The following RICTOR variants were observed in gnomAD, a reference collection of about 807,000 sequenced individuals.
RICTOR encodes RPTOR independent companion of MTOR complex 2.
In RICTOR, 49 loss-of-function variants were observed where a neutral mutation model predicts 214.9. The ratio of observed to expected loss-of-function variants is 0.23; its 90% confidence interval spans 0.18 to 0.29. The LOEUF is 0.29. RICTOR is among the 10% of genes least tolerant of loss of function. The probability of loss-of-function intolerance (pLI) is 1.00; values close to 1 mark genes in which losing one functional copy is unlikely to be tolerated. For missense variants in RICTOR, 1,625 were observed against 2,047.0 expected, an observed-to-expected ratio of 0.79 and a Z score of 3.98; for synonymous variants, 717 against 711.3, an observed-to-expected ratio of 1.01 and a Z score of -0.13.
chr5:39,021,912 C>A (rs972867353), intron 2 of RICTOR, among the ~76,000 whole-genome samples: 1 of 152,032 alleles, frequency 6.6e-6, no homozygotes, highest in African/African-American at 2.4e-5. Context: ...TTTGAGTAAA[C>A]CAAAAAATTA....
intron 33 of RICTOR, 26 bp from the exon 34 acceptor site, chr5:38,945,750 A>ATTT: frequency 8.1e-7 from 1 of 1,227,234 alleles, no homozygotes; most frequent in South Asian, 1.3e-5. Context: ...TATAAAACAT[A>ATTT]ATCCAATAAA....
chr5:39,022,128 C>T lies in RICTOR; in HGVS notation c.98-992G>A, dbSNP rs561534137. ...CTTTGTGTTAGATAGTCTTGCCCAA[C>T]TATAGGCTAATGTAAGTGTTCTGAG... On this transcript the variant is annotated intron_variant, in intron 2 of 37. Transcript: ENST00000357387. 2.6e-5 allele frequency among the ~76,000 whole-genome samples: 4 copies of T among 152,278 alleles called. No homozygotes were observed. The South Asian group carries it at 8.3e-4, about 32-fold the overall frequency.
At chr5:39,033,357 G>A (rs1028784979) in intron 2 of RICTOR, among the ~76,000 whole-genome samples, 1 of 151,874 alleles carries the variant, frequency 6.6e-6, no homozygotes, top group Non-Finnish European at 1.5e-5. Flanking sequence ...TCTGCCTCCT[G>A]GGTTCAAGCA....
At chr5:38,958,196 C>A (rs1467362330) in intron 24 of RICTOR, among the ~76,000 whole-genome samples, 1 of 151,642 alleles carries the variant, frequency 6.6e-6, no homozygotes, top group East Asian at 1.9e-4. Context: ...AACATTGGAC[C>A]ATTGCACTCT....
At chr5:38,944,821 C>T (rs1445926725) in intron 35 of RICTOR, 92 bp downstream of exon 35, 8 of 1,271,934 alleles carry the variant, frequency 6.3e-6, no homozygotes, top group Non-Finnish European at 9.1e-6. Flanking sequence ...TTTGAGACAA[C>T]TTTAATTTAC....
chr5:39,019,510 A>G (rs61343691), intron 3 of RICTOR, among the ~76,000 whole-genome samples: 24,443 of 152,204 alleles, frequency 0.16, 2,106 homozygotes, highest in Middle Eastern at 0.23. Flanking sequence ...GTGCTTTACA[A>G]ATGGAACAAG....
chr5:38,993,486 A>G (rs955276391), intron 6 of RICTOR, among the ~76,000 whole-genome samples: 1 of 152,132 alleles, frequency 6.6e-6, no homozygotes, highest in African/African-American at 2.4e-5. Context: ...AATCAGAGAC[A>G]TGGAAAAGAA....
intron 2 of RICTOR, among the ~76,000 whole-genome samples, chr5:39,051,371 T>G (rs1328152190): frequency 6.6e-6 from 1 of 152,146 alleles, no homozygotes; most frequent in African/African-American, 2.4e-5. Flanking sequence ...TATACAAAAT[T>G]TTATCCCTTT....
At chr5:38,942,459 T>C (rs1363726052) in intron 37 of RICTOR, 81 bp from the exon 38 acceptor site, 1 of 761,252 alleles carries the variant, frequency 1.3e-6, no homozygotes, top group Non-Finnish European at 2.0e-6. Flanking sequence ...CTAATTTTTT[T>C]TTTTTTTTGA....
chr5:39,001,932 T>G (rs1753656888), intron 5 of RICTOR, among the ~76,000 whole-genome samples: 2 of 152,114 alleles, frequency 1.3e-5, no homozygotes, highest in African/African-American at 4.8e-5. Context: ...TAGCAAACTA[T>G]TTAGCAATAT....
At chr5:38,966,108 CAA>C (rs1009891875) in intron 15 of RICTOR, among the ~76,000 whole-genome samples, 3 of 151,056 alleles carry the variant, frequency 2.0e-5, no homozygotes, top group Non-Finnish European at 4.4e-5. Flanking sequence ...AAAAGAAAAA[CAA>C]AAAAAACAAA....
At chr5:39,042,750 C>T (rs1254734828) in intron 2 of RICTOR, among the ~76,000 whole-genome samples, 15 of 152,190 alleles carry the variant, frequency 9.9e-5, no homozygotes, top group Admixed American at 9.8e-4. Context: ...AGTAACCACA[C>T]TCAAAAAGTA....
In RICTOR at chr5:38,966,650, A is replaced by G; in HGVS notation, c.1290T>C (p.Leu430=). 6.5e-7 allele frequency: 1 copy of G among 1,538,904 alleles called. No individual in the cohort carries two copies. The highest frequency in any genetic ancestry group is 9.0e-7 in the Non-Finnish European group (1 of 1,115,666). The change falls in exon 15 of 38, where the codon CTT becomes CTC. Residue 430 remains leucine (L), a synonymous_variant. Transcript: ENST00000357387. ...SVRATILLGE[L]LHMANTILPH... ...AAGTTGCTAAACTTACCATATGTAA[A>G]AGCTCTCCTAAAAGGATGGTAGCTC...
intron 2 of RICTOR, among the ~76,000 whole-genome samples, chr5:39,058,851 C>T (rs1321556494): frequency 6.6e-6 from 1 of 152,012 alleles, no homozygotes; most frequent in Admixed American, 6.5e-5. Context: ...ACTTTCTAAT[C>T]TGTAGTTTTG....
rs199671199 is a variant in RICTOR, at chr5:38,962,294, T to C, written c.1715+21A>G. ...CATATTTAAGTTCTTTAAATTTAAA[T>C]GCAAAATAGTTCTTACATACCTGTG... is the stretch of plus-strand genomic sequence containing the variant. On this transcript the variant is annotated intron_variant, in intron 19 of 37. Transcript: ENST00000357387. 8.1e-6 allele frequency: 10 copies of C among 1,231,612 alleles called. No individual in the cohort carries two copies. The Middle Eastern group carries it at 8.4e-4, about 103-fold the overall frequency. The allele number at this position is 1,231,612 out of a possible 1,614,324, so 76.3% of individuals were successfully genotyped here. A position where few individuals can be genotyped will look rare whatever the true frequency, so the allele number is the denominator to read the frequency against.
chr5:38,965,865 A>C (rs1186178537), intron 15 of RICTOR, among the ~76,000 whole-genome samples: 1 of 152,188 alleles, frequency 6.6e-6, no homozygotes. Flanking sequence ...TAAAAATAGC[A>C]AACTGTGACA....
At chr5:39,026,892 C>T (rs1755870572) in intron 2 of RICTOR, among the ~76,000 whole-genome samples, 1 of 151,920 alleles carries the variant, frequency 6.6e-6, no homozygotes, top group Admixed American at 6.6e-5. Flanking sequence ...CTGTTAATCC[C>T]AGCTACTCAG....
intron 2 of RICTOR, among the ~76,000 whole-genome samples, chr5:39,064,548 T>C (rs1274165644): frequency 6.6e-6 from 1 of 152,236 alleles, no homozygotes; most frequent in Non-Finnish European, 1.5e-5. Context: ...CTGTATTTAA[T>C]AGCTTGGTGA....
chr5:38,980,880 C>T (rs1405274978), intron 8 of RICTOR: 2 of 151,958 alleles, frequency 1.3e-5, no homozygotes, highest in Non-Finnish European at 2.9e-5. Context: ...AGAGCCTATA[C>T]ATATTATCTT....
Sources: gnomAD v4.1 joint callset for allele counts (sites outside exome capture counted in the v4.1 genomes callset) on GRCh38, gnomAD v4.1.1 for gene constraint, MANE v1.5 for transcripts, NCBI Gene and HGNC (gene_info 2026-07-23, HGNC 2026-07-21) for gene names.